TMEM132C: variants seen among roughly 807,000 people sequenced by gnomAD.
TMEM132C encodes protein phosphatase 1, regulatory subunit 152.
In TMEM132C, 29 loss-of-function variants were observed where a neutral mutation model predicts 61.4. The observed-to-expected ratio is 0.47, with a 90% CI of 0.35 to 0.64. The LOEUF (loss-of-function observed/expected upper bound fraction) is 0.64. Ranked by LOEUF, TMEM132C falls within the 30% of genes least tolerant of loss-of-function variation. TMEM132C has a pLI of 0.00. For synonymous variants in TMEM132C, 656 were observed against 633.1 expected, an observed-to-expected ratio of 1.04 and a Z score of -0.54; for missense variants, 1,408 against 1,476.9, an observed-to-expected ratio of 0.95 and a Z score of 0.76.
chr12:128,632,135 C>A (rs1954069729), intron 4 of TMEM132C, among the ~76,000 whole-genome samples: 1 of 152,194 alleles, frequency 6.6e-6, no homozygotes, highest in Non-Finnish European at 1.5e-5. Flanking sequence ...TGAGCTTCAA[C>A]CGGAGTGAGG....
At chr12:128,288,819 T>C (rs1188369604) in intron 1 of TMEM132C, 1 of 152,324 alleles carries the variant, frequency 6.6e-6, no homozygotes, top group African/African-American at 2.4e-5. Flanking sequence ...TTCCCTTCAG[T>C]GAGGGCTGAG....
At chr12:128,329,719 C>T (rs1024774493) in intron 1 of TMEM132C, among the ~76,000 whole-genome samples, 8 of 152,054 alleles carry the variant, frequency 5.3e-5, no homozygotes, top group African/African-American at 7.2e-5. Flanking sequence ...TTGTTGGGGG[C>T]GGAGGAGGCT....
chr12:128,433,202 A>G (rs79895542), intron 2 of TMEM132C, among the ~76,000 whole-genome samples: 5,862 of 152,246 alleles, frequency 0.039, 375 homozygotes, highest in African/African-American at 0.13. Flanking sequence ...AACAAAAAAA[A>G]AATGTTTGAC....
intron 2 of TMEM132C, among the ~76,000 whole-genome samples, chr12:128,483,230 T>C (rs182159081): frequency 3.6e-5 from 3 of 83,846 alleles, no homozygotes; most frequent in Non-Finnish European, 7.4e-5. Context: ...ATTATGCCAC[T>C]GCACTCCAGC....
At chr12:128,401,581 G>A (rs1403423347) in intron 1 of TMEM132C, among the ~76,000 whole-genome samples, 1 of 152,132 alleles carries the variant, frequency 6.6e-6, no homozygotes. Context: ...AAGGATCAAC[G>A]ACTTTTTAGA....
intron 2 of TMEM132C, among the ~76,000 whole-genome samples, chr12:128,484,682 C>T (rs1020187833): frequency 1.7e-4 from 26 of 152,208 alleles, no homozygotes; most frequent in Middle Eastern, 3.4e-3. Context: ...TTTTTGGCAG[C>T]GTGGCGACTC....
At chr12:128,476,304 G>A (rs565803023) in intron 2 of TMEM132C, among the ~76,000 whole-genome samples, 1 of 152,176 alleles carries the variant, frequency 6.6e-6, no homozygotes, top group African/African-American at 2.4e-5. Flanking sequence ...CTGAGGAGAC[G>A]GTTGCAGCGT....
At chr12:128,457,589 A>T (rs1870390515) in intron 2 of TMEM132C, among the ~76,000 whole-genome samples, 1 of 151,892 alleles carries the variant, frequency 6.6e-6, no homozygotes, top group African/African-American at 2.4e-5. Flanking sequence ...AAAAAAAAAA[A>T]AAATTAGGCA....
At chr12:128,355,128 T>C (rs992603135) in intron 1 of TMEM132C, among the ~76,000 whole-genome samples, 1 of 152,196 alleles carries the variant, frequency 6.6e-6, no homozygotes, top group African/African-American at 2.4e-5. Flanking sequence ...CCTTTTGAGA[T>C]ATTACATTTT....
At position 128,331,996 on chromosome 12, in the gene TMEM132C, A is replaced by G. The variant is rs368131440; in HGVS notation, c.85+64509A>G. Among the ~76,000 whole-genome samples, 5 of 152,304 alleles carry G rather than the reference A, an allele frequency of 3.3e-5. No homozygotes were observed. The East Asian group carries it at 9.6e-4, about 29-fold the overall frequency. On this transcript the variant is annotated intron_variant, in intron 1 of 8. Transcript: ENST00000435159. ...CAGTTTATTTTTTTCACCCAACATG[A>G]TAGTTTCAAGCTCAAGCCCTGATGA...
At chr12:128,377,953 G>A (rs1431077733) in intron 1 of TMEM132C, among the ~76,000 whole-genome samples, 1 of 152,124 alleles carries the variant, frequency 6.6e-6, no homozygotes, top group Non-Finnish European at 1.5e-5. Flanking sequence ...TCATTTCCAT[G>A]GACAAGTTAT....
In TMEM132C at chr12:128,269,036, A is replaced by G. The variant is rs925220876; in HGVS notation, c.85+1549A>G. On this transcript the variant is annotated intron_variant, in intron 1 of 8. Transcript: ENST00000435159. ...TTTTCTATTTTATTTGAAAGAGTCA[A>G]CAGTCACGATCTGGTGCCTGAATTC... Among the ~76,000 whole-genome samples the G allele has an allele frequency of 2.6e-5, 4 of 151,778 alleles. No individual in the cohort carries two copies. In the East Asian group the frequency reaches 5.8e-4, roughly 22 times the overall value.
intron 1 of TMEM132C, among the ~76,000 whole-genome samples, chr12:128,307,902 G>A (rs1423399709): frequency 6.6e-6 from 1 of 152,140 alleles, no homozygotes; most frequent in Non-Finnish European, 1.5e-5. Flanking sequence ...TTTACTTTAG[G>A]GGAGCTGCCC....
rs561134507 is a variant in TMEM132C at position 128,702,511 on chromosome 12, A to G, written c.2122-2579A>G. Among the ~76,000 whole-genome samples the G allele has an allele frequency of 4.4e-4, 67 of 151,972 alleles. 1 individual carries two copies. The highest frequency in any genetic ancestry group is 4.9e-4 in the Non-Finnish European group (33 of 67,996). On this transcript the variant is annotated intron_variant, in intron 8 of 8. Transcript: ENST00000435159. ...ATCAGTCTGCTCACCTTCCTGTGTAAATGTTTAACACAACCACTCCCGGTG... is the reference window on the plus strand; with the variant it reads ...ATCAGTCTGCTCACCTTCCTGTGTAGATGTTTAACACAACCACTCCCGGTG...
chr12:128,346,277 C>T (rs1245742311), intron 1 of TMEM132C, among the ~76,000 whole-genome samples: 2 of 152,088 alleles, frequency 1.3e-5, no homozygotes, highest in African/African-American at 4.8e-5. Flanking sequence ...TGTTTTTGTA[C>T]CAGTACCATG....
intron 1 of TMEM132C, among the ~76,000 whole-genome samples, chr12:128,390,122 C>T (rs1874714776): frequency 6.6e-6 from 1 of 152,174 alleles, no homozygotes; most frequent in Non-Finnish European, 1.5e-5. Context: ...CCTCCCACTC[C>T]AGCCTCCCAA....
At chr12:128,589,247 C>G (rs1324549977) in intron 3 of TMEM132C, among the ~76,000 whole-genome samples, 1 of 150,986 alleles carries the variant, frequency 6.6e-6, no homozygotes, top group Non-Finnish European at 1.5e-5. Flanking sequence ...AACGTGAGGC[C>G]CCTCCACCAG....
chr12:128,612,146 G>A (rs185569398), intron 3 of TMEM132C, among the ~76,000 whole-genome samples: 13 of 152,260 alleles, frequency 8.5e-5, no homozygotes, highest in Admixed American at 4.6e-4. Flanking sequence ...AAGGCCTCCC[G>A]GGGGCTCATT....
chr12:128,325,659 T>C (rs970251062), intron 1 of TMEM132C, among the ~76,000 whole-genome samples: 3 of 152,304 alleles, frequency 2.0e-5, no homozygotes, highest in Non-Finnish European at 4.4e-5. Flanking sequence ...AGCATGGACC[T>C]CCCTGTATGC....
Sources: allele counts gnomAD v4.1 joint callset (sites outside exome capture counted in the v4.1 genomes callset), GRCh38; gene constraint gnomAD v4.1.1; transcripts MANE v1.5; gene names NCBI Gene and HGNC (gene_info 2026-07-23, HGNC 2026-07-21).